The following ATP8B3 variants were observed in gnomAD, a reference collection of about 807,000 sequenced individuals.
ATP8B3 encodes the protein ATPase phospholipid transporting 8B3.
Under a neutral mutation model 140.9 loss-of-function variants are expected in ATP8B3, and 141 were observed. The observed-to-expected ratio is 1.00, with a 90% CI of 0.87 to 1.15. ATP8B3 has a LOEUF of 1.15. Ranked by LOEUF, ATP8B3 falls within the 50% of genes most tolerant of loss-of-function variation. The probability of loss-of-function intolerance (pLI) is 0.00; values close to 1 mark genes in which losing one functional copy is unlikely to be tolerated. For missense variants in ATP8B3, 1,874 were observed against 1,740.6 expected, an observed-to-expected ratio of 1.08 and a Z score of -1.36; for synonymous variants, 765 against 714.6, an observed-to-expected ratio of 1.07 and a Z score of -1.13.
At position 1,807,666 on chromosome 19, in the gene ATP8B3, C is replaced by T. The variant is rs938838128; in HGVS notation, c.517-400G>A. On this transcript the variant is annotated intron_variant, in intron 5 of 28. Coordinates refer to ENST00000310127, the MANE Select transcript of ATP8B3 (RefSeq NM_138813.4). This position sits in a 1 kb window ranked among gnomAD's most constrained non-coding sequence, Gnocchi z 5.9. ...TGGCACCCGGCCAGCGGCCTGCACA[C>T]AGTAGGTACTCCATTAATGCTGAAT... is the stretch of plus-strand genomic sequence containing the variant. 6.6e-6 allele frequency among the ~76,000 whole-genome samples: 1 copy of T among 152,156 alleles called. No individual in the cohort carries two copies. The highest frequency in any genetic ancestry group is 1.5e-5 in the Non-Finnish European group (1 of 67,960).
chr19:1,783,286 G>C lies in ATP8B3; in HGVS notation c.3661-16C>G. ...CCTTCTCCTCCTGAAGAGCAAAGGG[G>C]AGAGCAGGGGAAGCAGACTCCTATG... On this transcript the variant is annotated splice_polypyrimidine_tract_variant and intron_variant, in intron 28 of 28. Coordinates refer to ENST00000310127, the MANE Select transcript of ATP8B3 (RefSeq NM_138813.4). 6.2e-7 allele frequency: 1 copy of C among 1,602,000 alleles called. No individual in the cohort carries two copies. Among genetic ancestry groups the C allele is most frequent in the Non-Finnish European group, 8.5e-7 (1 of 1,174,164 alleles).
chr19:1,789,820 C>G (rs2068435252), intron 22 of ATP8B3, 70 bp downstream of exon 22: 1 of 1,587,968 alleles, frequency 6.3e-7, no homozygotes, highest in African/African-American at 1.3e-5. Flanking sequence ...AGTCCCCACC[C>G]CGAGCCCGCC....
chr19:1,808,542 G>C (rs905018386), intron 4 of ATP8B3, among the ~76,000 whole-genome samples: 1 of 149,748 alleles, frequency 6.7e-6, no homozygotes, highest in African/African-American at 2.6e-5. Context: ...CTGAGCACCT[G>C]CTGAATGCAA....
chr19:1,786,565 CAA>C (rs57628690), intron 25 of ATP8B3, among the ~76,000 whole-genome samples: 203 of 109,806 alleles, frequency 1.8e-3, no homozygotes, highest in African/African-American at 2.0e-3. Context: ...GACCCTGTCT[CAA>C]AAAAAAAAAA....
chr19:1,811,529 G>T lies in ATP8B3; in HGVS notation c.208C>A (p.Gln70Lys). 6.2e-7 allele frequency: 1 copy of T among 1,612,228 alleles called. No homozygotes were observed. The change falls in exon 2 of 29, where the codon CAG (glutamine) becomes AAG (lysine). Residue 70 changes from glutamine to lysine, a missense_variant. Gln to Lys is a moderately conservative substitution (Grantham distance 53). Around this residue, in one of 3 missense-constraint regions of ATP8B3, gnomAD observed 1,032 missense variants for 963.6 expected, o/e 1.07. Transcript: ENST00000310127. ...TCATACTTCCTAGCCCGGCCAGGCT[G>T]GGCCTTGTGCCTCCTCTCAGGTGCC... ...RGAPERRHKA[Q>K]PGRARKYEWR...
chr19:1,785,173 G>A lies in ATP8B3; in HGVS notation c.3518C>T (p.Thr1173Ile). Reference sequence around the variant, plus strand: ...TGGGGGCTCACACAGAAACGGGAAGGTCGTGGGGGATACTCTGAAGAGCCA... The same window carrying A: ...TGGGGGCTCACACAGAAACGGGAAGATCGTGGGGGATACTCTGAAGAGCCA... ...SFWLFRVSPTTFPFLYADLSV... is the reference protein window; with the variant it reads ...SFWLFRVSPTIFPFLYADLSV... Residue 1173 changes from threonine (T) to isoleucine (I), a missense_variant, in exon 27 of 29, where the codon ACC becomes ATC. Coordinates refer to ENST00000310127, the MANE Select transcript of ATP8B3 (RefSeq NM_138813.4). 6.3e-7 allele frequency: 1 copy of A among 1,587,076 alleles called. No individual in the cohort carries two copies. The highest frequency in any genetic ancestry group is 8.6e-7 in the Non-Finnish European group (1 of 1,167,376).
At chr19:1,808,394 G>A in intron 4 of ATP8B3, 59 bp from the exon 5 acceptor site, 1 of 1,350,560 alleles carries the variant, frequency 7.4e-7, no homozygotes, top group Non-Finnish European at 1.0e-6. Flanking sequence ...AGGGGATGGG[G>A]GTGCCCGAGG....
intron 14 of ATP8B3, chr19:1,799,341 G>C (rs2068770832): frequency 6.5e-6 from 1 of 152,794 alleles, no homozygotes; most frequent in African/African-American, 2.4e-5. Flanking sequence ...GCACGCAACT[G>C]TAATCCCAGC....
intron 19 of ATP8B3, 56 bp downstream of exon 19, chr19:1,791,945 C>A: frequency 6.3e-7 from 1 of 1,577,420 alleles, no homozygotes; most frequent in East Asian, 2.3e-5. Context: ...CCAGGGCCCC[C>A]TTGGGTGCCC....
intron 10 of ATP8B3, among the ~76,000 whole-genome samples, chr19:1,804,110 A>G (rs1021170511): frequency 6.6e-6 from 1 of 152,072 alleles, no homozygotes; most frequent in East Asian, 1.9e-4. Context: ...AGATAAGAAA[A>G]CCAAACAAAA....
chr19:1,792,193 C>A, intron 18 of ATP8B3, 58 bp from the exon 19 acceptor site: 1 of 1,473,652 alleles, frequency 6.8e-7, no homozygotes, highest in Non-Finnish European at 9.0e-7. Flanking sequence ...CGAGGCTCAG[C>A]CCTCCCCAAC....
chr19:1,796,655 A>G, intron 16 of ATP8B3, 56 bp downstream of exon 16: 1 of 1,567,700 alleles, frequency 6.4e-7, no homozygotes, highest in Non-Finnish European at 8.6e-7. Flanking sequence ...GGCTGGGGAC[A>G]CTGCCGTGCC....
chr19:1,791,787 G>A lies in ATP8B3; in HGVS notation c.2265C>T (p.Ser755=). The change falls in exon 20 of 29, where the codon AGC becomes AGT. Residue 755 remains serine, a synonymous_variant. Transcript: ENST00000310127. Reference sequence around the variant, plus strand: ...CGGTGAGCACCCATATTTTGATGTTGCTCTTCTTGAGACATTTGATGGTTT... The same window carrying A: ...CGGTGAGCACCCATATTTTGATGTTACTCTTCTTGAGACATTTGATGGTTT... ...VPETIKCLKK[S]NIKIWVLTGD... The A allele has an allele frequency of 6.2e-7, 1 of 1,611,810 alleles. No individual in the cohort carries two copies. The highest frequency in any genetic ancestry group is 8.5e-7 in the Non-Finnish European group (1 of 1,179,788).
At chr19:1,795,784 T>TACACACACACACACACACAC (rs10526864) in intron 18 of ATP8B3, 91 bp downstream of exon 18, 1 of 835,324 alleles carries the variant, frequency 1.2e-6, no homozygotes, top group African/African-American at 2.8e-5. Flanking sequence ...CTCCTGTCCC[T>TACACACACACACACACACAC]ACACACACAC....
rs1168114676 is a variant in ATP8B3, at chr19:1,801,968, C to T, written c.1140G>A (p.Lys380=). Residue 380 remains lysine, a synonymous_variant, in exon 12 of 29, where the codon AAG becomes AAA. Coordinates refer to ENST00000310127, the MANE Select transcript of ATP8B3 (RefSeq NM_138813.4). The stretch of plus-strand genomic sequence containing the variant: ...GTTGGCAGCTCACCACAACCACCAG[C>T]TTGTTCATCAGGAGGTCCAGCTTGG... ...KRTKLDLLMN[K]LVVVIFISVV... is the part of the protein sequence containing the mutation. The T allele has an allele frequency of 1.9e-6, 3 of 1,612,326 alleles. No individual in the cohort carries two copies. Among genetic ancestry groups the T allele is most frequent in the Non-Finnish European group, 2.5e-6 (3 of 1,179,448 alleles).
intron 28 of ATP8B3, among the ~76,000 whole-genome samples, chr19:1,784,063 C>G (rs1033303516): frequency 6.6e-6 from 1 of 152,202 alleles, no homozygotes; most frequent in Non-Finnish European, 1.5e-5. Context: ...CTCCTTCTCA[C>G]GGCTCAGGCG....
In ATP8B3 at chr19:1,795,784, T is replaced by TAC. The variant is rs10526864; in HGVS notation, c.2055+89_2055+90dup. On this transcript the variant is annotated intron_variant, in intron 18 of 28. Coordinates refer to ENST00000310127, the MANE Select transcript of ATP8B3 (RefSeq NM_138813.4). The stretch of plus-strand genomic sequence containing the variant: ...CCCTGCCTCCTCCTCCTCCTGTCCC[T>TAC]ACACACACACACACACACACACACA... The TAC allele has an allele frequency of 9.1e-3, 8,135 of 892,608 alleles. 62 individuals are homozygous for TAC. The highest frequency in any genetic ancestry group is 0.018 in the South Asian group (1,156 of 62,988). The allele number at this position is 892,608 out of a possible 1,614,324, so 55.3% of individuals were successfully genotyped here. A position where few individuals can be genotyped will look rare whatever the true frequency, so the allele number is the denominator to read the frequency against.
chr19:1,808,752 C>T (rs1418784268), intron 4 of ATP8B3, among the ~76,000 whole-genome samples: 1 of 152,238 alleles, frequency 6.6e-6, no homozygotes, highest in Non-Finnish European at 1.5e-5. Flanking sequence ...GCGATGGACA[C>T]ATTGTACTTT....
intron 18 of ATP8B3, among the ~76,000 whole-genome samples, chr19:1,792,381 A>T (rs1268905187): frequency 6.6e-6 from 1 of 151,494 alleles, no homozygotes. Context: ...GGAGTTTGAG[A>T]CCAGGTTGGC....
Sources: gnomAD v4.1 joint callset for allele counts (sites outside exome capture counted in the v4.1 genomes callset) on GRCh38, gnomAD v4.1.1 for gene constraint, gnomAD v4.1.1 regional missense constraint, Gnocchi (gnomAD v3.1) non-coding constraint, MANE v1.5 for transcripts, NCBI Gene and HGNC (gene_info 2026-07-23, HGNC 2026-07-21) for gene names.